The following SYT12 variants were observed in gnomAD, a reference collection of about 807,000 sequenced individuals.
SYT12 encodes synaptotagmin-12.
A neutral mutation model predicts 39.5 loss-of-function variants in SYT12; 27 were observed. The ratio of observed to expected loss-of-function variants is 0.68; its 90% confidence interval spans 0.50 to 0.94. The LOEUF is 0.94. Among genes scored for constraint, SYT12 ranks in the 40% least tolerant of loss-of-function variants. The pLI is 0.00. For synonymous variants in SYT12, 233 were observed against 239.7 expected, an observed-to-expected ratio of 0.97 and a Z score of 0.26; for missense variants, 536 against 572.6, an observed-to-expected ratio of 0.94 and a Z score of 0.65.
chr11:67,040,574 T>G (rs1378562168), intron 4 of SYT12, among the ~76,000 whole-genome samples: 1 of 152,206 alleles, frequency 6.6e-6, no homozygotes, highest in African/African-American at 2.4e-5. Flanking sequence ...TTGTGGTGGC[T>G]CATGCCTCTA....
At chr11:67,014,229 G>C (rs1428057059) in intron 3 of SYT12, among the ~76,000 whole-genome samples, 1 of 152,184 alleles carries the variant, frequency 6.6e-6, no homozygotes, top group Non-Finnish European at 1.5e-5. Context: ...TTTTTGGGGG[G>C]TCACAAGTCA....
chr11:67,008,550 T>C lies in SYT12; in HGVS notation c.-485+1095T>C, dbSNP rs187387947. The stretch of plus-strand genomic sequence containing the variant: ...ACTACAGGTGTGAGATGGCTACATC[T>C]CTCTTTTTTTTTCTTTTTGAGACAG... On this transcript the variant is annotated intron_variant, in intron 1 of 10. Transcript: ENST00000393946. Among the ~76,000 whole-genome samples the C allele has an allele frequency of 3.4e-3, 510 of 151,798 alleles. 2 individuals carry two copies. The highest frequency in any genetic ancestry group is 0.02 in the Middle Eastern group (6 of 294).
At chr11:67,020,666 A>G (rs1565328333), upstream of SYT12, among the ~76,000 whole-genome samples, 1 of 152,108 alleles carries the variant, frequency 6.6e-6, no homozygotes, top group Admixed American at 6.5e-5. Context: ...TGAACCTCCT[A>G]TAAATGCATC....
intron 4 of SYT12, among the ~76,000 whole-genome samples, chr11:67,041,435 C>T (rs529211872): frequency 6.6e-6 from 1 of 152,300 alleles, no homozygotes; most frequent in African/African-American, 2.4e-5. Context: ...CATGCCACTG[C>T]ACTCCAGCCT....
chr11:67,048,268 C>CA lies in SYT12; in HGVS notation c.1093-299dup, dbSNP rs562190914. Among the ~76,000 whole-genome samples the CA allele has an allele frequency of 0.021, 1,760 of 82,672 alleles. 123 individuals are homozygous for CA. The East Asian group carries it at 0.29, about 14-fold the overall frequency. The allele number at this position is 82,672 out of a possible 152,430, so 54.2% of individuals were successfully genotyped here. A position where few individuals can be genotyped will look rare whatever the true frequency, so the allele number is the denominator to read the frequency against. ...CCTGGGTAACAGAGTGAGACTGTCT[C>CA]AAAAAAAAAAAAAAAAAGGATCAGG... is the stretch of plus-strand genomic sequence containing the variant. On this transcript the variant is annotated intron_variant, in intron 7 of 7. Coordinates refer to ENST00000527043, the MANE Select transcript of SYT12 (RefSeq NM_177963.4).
upstream of SYT12, among the ~76,000 whole-genome samples, chr11:67,018,947 G>A (rs1011328366): frequency 6.6e-6 from 1 of 152,214 alleles, no homozygotes; most frequent in Admixed American, 6.5e-5. Flanking sequence ...GGAGAACTGA[G>A]GCCAAGTGCA....
At chr11:67,008,493 A>T (rs534667938) in intron 1 of SYT12, among the ~76,000 whole-genome samples, 17 of 151,806 alleles carry the variant, frequency 1.1e-4, no homozygotes, top group African/African-American at 4.1e-4. Context: ...TGCTCAAGTG[A>T]TCCTCCCACC....
In SYT12 at chr11:67,045,523, C is replaced by A. The variant is rs182841582; in HGVS notation, c.959-221C>A. On this transcript the variant is annotated intron_variant, in intron 6 of 7. Transcript: ENST00000527043. ...GGGGAGCGCGTGGGCTGTGAGGCAG[C>A]TGCCTGAGCACAAAGCCCAGCCCTC... is the stretch of plus-strand genomic sequence containing the variant. 706 of 620,800 alleles carry A rather than the reference C, an allele frequency of 1.1e-3. 2 individuals carry two copies. Among genetic ancestry groups the A allele is most frequent in the Non-Finnish European group, 1.4e-3 (529 of 367,592 alleles). The allele number at this position is 620,800 out of a possible 1,614,324, so 38.5% of individuals were successfully genotyped here.
intron 3 of SYT12, among the ~76,000 whole-genome samples, chr11:67,017,797 T>TA (rs1253144120): frequency 2.7e-4 from 37 of 136,766 alleles, no homozygotes; most frequent in East Asian, 1.2e-3. Flanking sequence ...CCGTCTCTAC[T>TA]AAAAATACAA....
upstream of SYT12, among the ~76,000 whole-genome samples, chr11:67,021,331 T>A (rs138514398): frequency 7.2e-5 from 11 of 152,070 alleles, no homozygotes; most frequent in Non-Finnish European, 1.6e-4. Flanking sequence ...TGCTTTTTTT[T>A]TTTGTTTGTT....
rs758317972 is a variant in SYT12, at chr11:67,048,801, G to T, written c.*44G>T. On this transcript the variant is annotated 3_prime_UTR_variant, in exon 8 of 8. Coordinates refer to ENST00000527043, the MANE Select transcript of SYT12 (RefSeq NM_177963.4). ...TGGGCAATGGAGCTGCTGGAGCCCG[G>T]TACCCACTCAGCTCTGTCTGATGCC... 2 of 1,571,240 alleles carry T rather than the reference G, an allele frequency of 1.3e-6. No individual in the cohort carries two copies.
At chr11:67,009,723 T>G (rs1468456321) in intron 1 of SYT12, among the ~76,000 whole-genome samples, 3 of 152,110 alleles carry the variant, frequency 2.0e-5, no homozygotes, top group Non-Finnish European at 4.4e-5. Context: ...GAACAAATAA[T>G]TCCAGGACAG....
intron 3 of SYT12, among the ~76,000 whole-genome samples, chr11:67,035,497 G>A (rs1030766691): frequency 1.1e-4 from 13 of 113,100 alleles, no homozygotes; most frequent in East Asian, 2.6e-4. Flanking sequence ...TCGCTCTGTT[G>A]CCCAGGCTGG....
chr11:67,045,848 ATCT>A lies in SYT12; in HGVS notation c.1067_1069del (p.Phe356del). The stretch of plus-strand genomic sequence containing the variant: ...CAACCCGGTGTTCAACGAAGCCATG[ATCT>A]TCTCGGTGCCAGCCATTGTGCTCCA... On this transcript the variant is annotated inframe_deletion, in exon 7 of 8. Transcript: ENST00000527043. 6.2e-7 allele frequency: 1 copy of A among 1,613,380 alleles called. No homozygotes were observed. The highest frequency in any genetic ancestry group is 8.5e-7 in the Non-Finnish European group (1 of 1,179,778).
upstream of SYT12, chr11:67,021,972 G>C (rs1432994935): frequency 6.7e-6 from 1 of 149,772 alleles, no homozygotes; most frequent in African/African-American, 2.5e-5. Context: ...TTTTGAGACG[G>C]AGTCGCCGCG....
intron 3 of SYT12, among the ~76,000 whole-genome samples, chr11:67,038,042 CA>C (rs373112616): frequency 0.092 from 9,025 of 98,134 alleles, 775 homozygotes; most frequent in African/African-American, 0.28. Context: ...GACCCTGTCT[CA>C]AAAAAAAAAA....
chr11:67,017,465 T>C (rs1202171996), intron 3 of SYT12, among the ~76,000 whole-genome samples: 1 of 151,794 alleles, frequency 6.6e-6, no homozygotes, highest in Non-Finnish European at 1.5e-5. Context: ...GTTCAAGTGA[T>C]TCTTCTGTCT....
At chr11:67,043,580 G>A (rs768054526) in intron 4 of SYT12, 58 bp from the exon 5 acceptor site, 51 of 1,546,886 alleles carry the variant, frequency 3.3e-5, no homozygotes, top group Non-Finnish European at 4.4e-5. Flanking sequence ...GTCCAGTGCT[G>A]TCTCCCTGCT....
rs115209978 is a variant in SYT12 at position 67,015,624 on chromosome 11, C to A, written c.-69+4630C>A. 3.3e-5 allele frequency among the ~76,000 whole-genome samples: 5 copies of A among 152,230 alleles called. 1 individual carries two copies. The highest frequency in any genetic ancestry group is 1.2e-4 in the African/African-American group (5 of 41,518). On this transcript the variant is annotated intron_variant, in intron 3 of 10. Coordinates refer to the SYT12 transcript ENST00000393946. ...GCCCAGGGATTTTCGCTGTCCTGGA[C>A]GTGGATTCCTCCTTAGCAATAAGAG...
Sources: allele counts gnomAD v4.1 joint callset (sites outside exome capture counted in the v4.1 genomes callset), GRCh38; gene constraint gnomAD v4.1.1; transcripts MANE v1.5; gene names NCBI Gene and HGNC (gene_info 2026-07-23, HGNC 2026-07-21).